MARK1: variants seen among roughly 807,000 people sequenced by gnomAD.
The protein encoded by MARK1 is microtubule affinity regulating kinase 1, also known as serine/threonine-protein kinase MARK1.
MARK1 carries 40 observed loss-of-function variants against 96.3 expected under a neutral mutation model. The ratio of observed to expected loss-of-function variants is 0.42; its 90% confidence interval spans 0.32 to 0.54. The LOEUF is 0.54. MARK1 is among the 20% of genes least tolerant of loss of function. The pLI, the probability that MARK1 is intolerant of heterozygous loss-of-function variation, is 0.16. For synonymous variants in MARK1, 317 were observed against 341.2 expected (o/e 0.93, Z 0.78); for missense variants, 719 against 984.6 (o/e 0.73, Z 3.61).
rs141624116 is a variant in MARK1, at chr1:220,609,564, A to G, written c.495+5427A>G. On this transcript the variant is annotated intron_variant, in intron 6 of 17. Coordinates refer to ENST00000366917, the MANE Select transcript of MARK1 (RefSeq NM_018650.5). ...ATTTAGCCCATTTACATTTCAGGTTAATATTGTTAGGTGTGAATTTGCTCC... is the reference window on the plus strand; with the variant it reads ...ATTTAGCCCATTTACATTTCAGGTTGATATTGTTAGGTGTGAATTTGCTCC... Among the ~76,000 whole-genome samples the G allele has an allele frequency of 3.3e-4, 50 of 152,270 alleles. No individual in the cohort carries two copies. The East Asian group carries it at 8.9e-3, about 27-fold the overall frequency.
At chr1:220,604,732 G>T (rs1000356290) in intron 6 of MARK1, among the ~76,000 whole-genome samples, 2 of 151,694 alleles carry the variant, frequency 1.3e-5, no homozygotes, top group Non-Finnish European at 2.9e-5. Context: ...AATTTATCTA[G>T]AATTTTATTT....
rs773101584 is a variant in MARK1 at position 220,630,153 on chromosome 1, G to A, written c.910-882G>A. The stretch of plus-strand genomic sequence containing the variant: ...TAGTGGCCATCCTAATGAGTATAAG[G>A]TGATAGCTCACTATGGTTTTGAGTT... On this transcript the variant is annotated intron_variant, in intron 9 of 17. Coordinates refer to ENST00000366917, the MANE Select transcript of MARK1 (RefSeq NM_018650.5). 2.8e-4 allele frequency among the ~76,000 whole-genome samples: 42 copies of A among 152,132 alleles called. 1 individual carries two copies. Among genetic ancestry groups the A allele is most frequent in the Admixed American group, 2.8e-3 (42 of 15,264 alleles).
chr1:220,657,829 C>G lies in MARK1; in HGVS notation c.2028C>G (p.Thr676=), dbSNP rs1669258831. The G allele has an allele frequency of 6.4e-7, 1 of 1,568,168 alleles. No homozygotes were observed. Among genetic ancestry groups the G allele is most frequent in the South Asian group, 1.2e-5 (1 of 81,444 alleles). Residue 676 remains threonine, a synonymous_variant, in exon 17 of 18, where the codon ACC becomes ACG. Transcript: ENST00000366917. ...SEGEASGRTD[T]SRSTSGEPKE... Reference sequence around the variant, plus strand: ...GCGAAGCCAGTGGCAGAACCGACACCTCAAGGTGAGGAGCCACTATTAATA... The same window carrying G: ...GCGAAGCCAGTGGCAGAACCGACACGTCAAGGTGAGGAGCCACTATTAATA...
rs1478581335 is a variant in MARK1 at position 220,654,337 on chromosome 1, T to C, written c.1988+985T>C. On this transcript the variant is annotated intron_variant, in intron 16 of 17. Transcript: ENST00000366917. This position sits in a 1 kb window ranked among gnomAD's most constrained non-coding sequence, Gnocchi z 4.0. Reference sequence around the variant, plus strand: ...TACTAATTAAATACTTAGTTTCCAATGTTATTAGTGTTTCTAGGATTTCAA... The same window carrying C: ...TACTAATTAAATACTTAGTTTCCAACGTTATTAGTGTTTCTAGGATTTCAA... Among the ~76,000 whole-genome samples the C allele has an allele frequency of 6.6e-6, 1 of 152,186 alleles. No homozygotes were observed. Among genetic ancestry groups the C allele is most frequent in the Non-Finnish European group, 1.5e-5 (1 of 68,020 alleles).
intron 17 of MARK1, among the ~76,000 whole-genome samples, chr1:220,659,515 G>C (rs749456864): frequency 6.6e-6 from 1 of 152,104 alleles, no homozygotes; most frequent in Non-Finnish European, 1.5e-5. Context: ...GTTCTGAGGG[G>C]TAAATGAGTA....
At chr1:220,561,514 T>G (rs1253040173) in intron 1 of MARK1, among the ~76,000 whole-genome samples, 1 of 152,128 alleles carries the variant, frequency 6.6e-6, no homozygotes, top group East Asian at 1.9e-4. Context: ...GTGACAAGAT[T>G]TACTTAGAGG....
At chr1:220,536,743 G>A (rs560831299) in intron 1 of MARK1, among the ~76,000 whole-genome samples, 12 of 152,058 alleles carry the variant, frequency 7.9e-5, no homozygotes, top group East Asian at 3.9e-4. Context: ...CACCATGGCC[G>A]GCTAATTTTT....
Position 220,623,531 on chromosome 1 carries a change from C to CAGGGTAGACTCTTAGTAGT in MARK1, c.909+4777_909+4778insGGGTAGACTCTTAGTAGTA, listed in dbSNP as rs556628986. 1.6e-4 allele frequency among the ~76,000 whole-genome samples: 25 copies of CAGGGTAGACTCTTAGTAGT among 152,236 alleles called. No individual in the cohort carries two copies. In the South Asian group the frequency reaches 5.2e-3, roughly 32 times the overall value. On this transcript the variant is annotated intron_variant, in intron 9 of 17. Transcript: ENST00000366917. Reference sequence around the variant, plus strand: ...TTGAAATACAACTGTTGTTGTGAGACAAACTCCTTAGTAGACTCTTGGTGA... The same window carrying CAGGGTAGACTCTTAGTAGT: ...TTGAAATACAACTGTTGTTGTGAGACAGGGTAGACTCTTAGTAGTAAACTCCTTAGTAGACTCTTGGTGA...
intron 6 of MARK1, among the ~76,000 whole-genome samples, chr1:220,614,076 T>A (rs949572074): frequency 6.6e-6 from 1 of 152,100 alleles, no homozygotes; most frequent in Non-Finnish European, 1.5e-5. Context: ...GGTGTGAACA[T>A]GGCATACTGC....
intron 1 of MARK1, among the ~76,000 whole-genome samples, chr1:220,567,541 A>T (rs985446072): frequency 4.6e-5 from 7 of 152,182 alleles, no homozygotes; most frequent in Non-Finnish European, 1.0e-4. Context: ...CCCGAAAGCT[A>T]GAATTGCTAC....
intron 13 of MARK1, among the ~76,000 whole-genome samples, chr1:220,640,103 G>A (rs1251126939): frequency 6.6e-6 from 1 of 152,136 alleles, no homozygotes. Flanking sequence ...AAGTACTTGA[G>A]CATTTACAAT....
At chr1:220,583,635 A>G (rs1193650909) in intron 3 of MARK1, among the ~76,000 whole-genome samples, 1 of 150,712 alleles carries the variant, frequency 6.6e-6, no homozygotes, top group Non-Finnish European at 1.5e-5. Flanking sequence ...CATGAACCAT[A>G]CTAGTGATTC....
chr1:220,528,912 A>G (rs1358808034), intron 1 of MARK1, 39 bp downstream of exon 1: 2 of 1,532,304 alleles, frequency 1.3e-6, no homozygotes, highest in African/African-American at 1.4e-5. Context: ...AGTGGGGGCG[A>G]GACCCTCCTC....
chr1:220,652,108 C>T lies in MARK1; in HGVS notation c.1694C>T (p.Thr565Ile), dbSNP rs1468752619. The change falls in exon 15 of 18, where the codon ACA (threonine) becomes ATA (isoleucine). Residue 565 changes from threonine (T) to isoleucine (I), a missense_variant. Around this residue, in one of 4 missense-constraint regions of MARK1, gnomAD observed 501 missense variants for 588.3 expected, o/e 0.85. Coordinates refer to ENST00000366917, the MANE Select transcript of MARK1 (RefSeq NM_018650.5). ...MSTSGHPIKV[T>I]LPTIKDGSEA... ...ACTTCTGGTCATCCTATTAAAGTCACACTGCCAACCATTAAAGACGGCTCT... is the reference window on the plus strand; with the variant it reads ...ACTTCTGGTCATCCTATTAAAGTCATACTGCCAACCATTAAAGACGGCTCT... 6.2e-7 allele frequency: 1 copy of T among 1,613,258 alleles called. No individual in the cohort carries two copies.
Position 220,640,938 on chromosome 1 carries a change from T to G in MARK1, c.1470+4912T>G, listed in dbSNP as rs568299449. Reference sequence around the variant, plus strand: ...GGAACTTCAGGAGACACATTCAAACTGTAGCAGAGTATTACTATTTGTAAG... The same window carrying G: ...GGAACTTCAGGAGACACATTCAAACGGTAGCAGAGTATTACTATTTGTAAG... On this transcript the variant is annotated intron_variant, in intron 13 of 17. Transcript: ENST00000366917. Among the ~76,000 whole-genome samples the G allele has an allele frequency of 5.3e-5, 8 of 152,276 alleles. No individual in the cohort carries two copies. The East Asian group carries it at 1.5e-3, about 29-fold the overall frequency.
At chr1:220,535,668 C>T (rs1047660940) in intron 1 of MARK1, among the ~76,000 whole-genome samples, 1 of 152,040 alleles carries the variant, frequency 6.6e-6, no homozygotes. Flanking sequence ...AATCTTTAAT[C>T]CCTTTTGAGA....
At chr1:220,651,944 C>T (rs921827942) in intron 14 of MARK1, 42 bp from the exon 15 acceptor site, 2 of 1,443,692 alleles carry the variant, frequency 1.4e-6, no homozygotes, top group Non-Finnish European at 1.8e-6. Context: ...ACAAATTTTC[C>T]TCTTTTTTTC....
chr1:220,625,687 C>G (rs545814782), intron 9 of MARK1: 14 of 360,924 alleles, frequency 3.9e-5, no homozygotes, highest in African/African-American at 2.3e-4. Context: ...CATTCCCATA[C>G]CTTAAACATT....
chr1:220,596,106 T>C (rs1665320948), intron 3 of MARK1, among the ~76,000 whole-genome samples: 2 of 152,136 alleles, frequency 1.3e-5, no homozygotes, highest in Non-Finnish European at 2.9e-5. Flanking sequence ...TAAAGTTAAA[T>C]TTAGTAGTCA....
Sources: gnomAD v4.1 joint callset for allele counts (sites outside exome capture counted in the v4.1 genomes callset) on GRCh38, gnomAD v4.1.1 for gene constraint, gnomAD v4.1.1 regional missense constraint, Gnocchi (gnomAD v3.1) non-coding constraint, MANE v1.5 for transcripts, NCBI Gene and HGNC (gene_info 2026-07-23, HGNC 2026-07-21) for gene names.